CLPTM1L: variants seen among roughly 807,000 people sequenced by gnomAD.
CLPTM1L encodes the protein CLPTM1 like, also known as lipid scramblase CLPTM1L.
A neutral mutation model predicts 70.9 loss-of-function variants in CLPTM1L; 38 were observed. The observed-to-expected ratio is 0.54, with a 90% CI of 0.41 to 0.70. The LOEUF is 0.70. CLPTM1L is among the 30% of genes least tolerant of loss of function. CLPTM1L has a pLI of 0.00. For missense variants in CLPTM1L, 652 were observed against 705.9 expected (o/e 0.92, Z 0.87); for synonymous variants, 339 against 299.9 (o/e 1.13, Z -1.35).
At chr5:1,339,951 C>G (rs1753837642) in intron 3 of CLPTM1L, among the ~76,000 whole-genome samples, 1 of 151,948 alleles carries the variant, frequency 6.6e-6, no homozygotes, top group Admixed American at 6.6e-5. Flanking sequence ...AAAAACCGCG[C>G]CCGGACAGCA....
rs549525482 is a variant in CLPTM1L at position 1,342,232 on chromosome 5, C to A, written c.264-372G>T. Among the ~76,000 whole-genome samples the A allele has an allele frequency of 4.8e-4, 73 of 152,190 alleles. No homozygotes were observed. Among genetic ancestry groups the A allele is most frequent in the Non-Finnish European group, 7.6e-4 (52 of 68,044 alleles). On this transcript the variant is annotated intron_variant, in intron 2 of 16. Coordinates refer to ENST00000320895, the MANE Select transcript of CLPTM1L (RefSeq NM_030782.5). The surrounding 1 kb of genome is among the most constrained non-coding windows in gnomAD (Gnocchi z 4.3). ...GGCCAGGGTACCAGCTGACCACACA[C>A]ACTGAATCACCCAACTCCGAAGCGA...
intron 9 of CLPTM1L, among the ~76,000 whole-genome samples, chr5:1,326,870 G>GACAGACACATTTCATCCAGCTCCTCCTCT (rs1752610161): frequency 4.4e-5 from 3 of 68,260 alleles, no homozygotes; most frequent in Admixed American, 1.6e-4. Context: ...GCTCCTCCTC[G>GACAGACACATTTCATCCAGCTCCTCCTCT]ACAGACACAT....
At chr5:1,334,782 C>T (rs1283839952) in intron 6 of CLPTM1L, among the ~76,000 whole-genome samples, 2 of 151,946 alleles carry the variant, frequency 1.3e-5, no homozygotes, top group African/African-American at 2.4e-5. Context: ...AACAAACAAA[C>T]AATAAAAATA....
chr5:1,344,739 G>A lies in CLPTM1L; in HGVS notation c.103C>T (p.Pro35Ser). 1 of 1,601,202 alleles carries A rather than the reference G, an allele frequency of 6.2e-7. No homozygotes were observed. The highest frequency in any genetic ancestry group is 8.5e-7 in the Non-Finnish European group (1 of 1,175,058). ...WVMYGIVYTRPCSGDANCIQP... is the reference protein window; with the variant it reads ...WVMYGIVYTRSCSGDANCIQP... ...ATGCAGTTGGCGTCGCCGGAGCACG[G>A]GCGGGTGTAGACGATGCCGTACATG... Residue 35 changes from proline to serine, a missense_variant, in exon 1 of 17, where the codon CCG becomes TCG. Transcript: ENST00000320895.
Position 1,318,120 on chromosome 5 carries a change from G to A in CLPTM1L, c.*249C>T, listed in dbSNP as rs35898126. On this transcript the variant is annotated 3_prime_UTR_variant, in exon 17 of 17. Transcript: ENST00000320895. This position sits in a 1 kb window ranked among gnomAD's most constrained non-coding sequence, Gnocchi z 8.9. ...CGAACCCCGGACACTCGTGTGCCGG[G>A]AGCCACCACAGCTCAAGGTGACCGG... is the stretch of plus-strand genomic sequence containing the variant. 4.3e-5 allele frequency: 22 copies of A among 517,530 alleles called. No individual in the cohort carries two copies. Among genetic ancestry groups the A allele is most frequent in the Non-Finnish European group, 6.8e-5 (20 of 294,526 alleles). The allele number at this position is 517,530 out of a possible 1,614,324, so 32.1% of individuals were successfully genotyped here.
chr5:1,318,423 G>C lies in CLPTM1L; in HGVS notation c.1563C>G (p.Asn521Lys). 1 of 1,613,776 alleles carries C rather than the reference G, an allele frequency of 6.2e-7. No individual in the cohort carries two copies. Among genetic ancestry groups the C allele is most frequent in the Non-Finnish European group, 8.5e-7 (1 of 1,179,962 alleles). ...WLYPVDKRRVNEFGESYEEKA... is the reference protein window; with the variant it reads ...WLYPVDKRRVKEFGESYEEKA... The stretch of plus-strand genomic sequence containing the variant: ...TCTCCTCGTAGGACTCCCCAAACTC[G>C]TTCACTCTGCGTTTATCCACAGGAT... The change falls in exon 17 of 17, where the codon AAC (asparagine) becomes AAG (lysine). Residue 521 changes from asparagine to lysine, a missense_variant. This residue lies in a region of CLPTM1L where 240 missense variants were observed against 295.0 expected (regional missense o/e 0.81). Transcript: ENST00000320895. This position sits in a 1 kb window ranked among gnomAD's most constrained non-coding sequence, Gnocchi z 8.9.
Position 1,327,010 on chromosome 5 carries a change from T to G in CLPTM1L, c.1081-1194A>C, listed in dbSNP as rs555151328. On this transcript the variant is annotated intron_variant, in intron 9 of 16. Coordinates refer to ENST00000320895, the MANE Select transcript of CLPTM1L (RefSeq NM_030782.5). ...CCACAGGGACATTTCATCCAGCTCC[T>G]CCTCTACAGGGACATTCCACCCAGC... 2.2e-4 allele frequency among the ~76,000 whole-genome samples: 33 copies of G among 150,378 alleles called. 1 individual carries two copies. Among genetic ancestry groups the G allele is most frequent in the African/African-American group, 8.2e-4 (33 of 40,278 alleles).
chr5:1,327,035 C>A (rs1048584405), intron 9 of CLPTM1L, among the ~76,000 whole-genome samples: 2 of 150,470 alleles, frequency 1.3e-5, no homozygotes, highest in Admixed American at 6.6e-5. Flanking sequence ...TTCCACCCAG[C>A]TCCTCCTCTA....
intron 11 of CLPTM1L, among the ~76,000 whole-genome samples, chr5:1,324,562 T>C (rs923336892): frequency 6.6e-6 from 1 of 152,110 alleles, no homozygotes. Flanking sequence ...CTGTAAGGAC[T>C]GGGAAATGAG....
At chr5:1,325,627 G>A (rs1752478871) in intron 10 of CLPTM1L, 124 bp downstream of exon 10, 3 of 761,216 alleles carry the variant, frequency 3.9e-6, no homozygotes, top group East Asian at 4.9e-5. Flanking sequence ...CCTCCACCAC[G>A]GAGGCTCCCC....
chr5:1,328,672 CAGACACATTTCATCCAGCTCCTCCTCTAT>C (rs1465401821), intron 9 of CLPTM1L, among the ~76,000 whole-genome samples: 30 of 151,090 alleles, frequency 2.0e-4, no homozygotes, highest in Middle Eastern at 3.2e-3. Context: ...TCCTTGTCTA[CAGACACATTTCATCCAGCTCCTCCTCTAT>C]AGACACATTC....
At chr5:1,324,490 G>T (rs753122693) in intron 11 of CLPTM1L, among the ~76,000 whole-genome samples, 1 of 152,252 alleles carries the variant, frequency 6.6e-6, no homozygotes. Flanking sequence ...CAGCTGCCTG[G>T]CGAATGTGAC....
chr5:1,332,886 C>T (rs191854736), intron 7 of CLPTM1L, among the ~76,000 whole-genome samples: 1 of 152,218 alleles, frequency 6.6e-6, no homozygotes, highest in Admixed American at 6.5e-5. Flanking sequence ...TTTGAACACA[C>T]CCCCTGAGGA....
rs1318816131 is a variant in CLPTM1L, at chr5:1,321,639, T to C, written c.1412A>G (p.Tyr471Cys). The C allele has an allele frequency of 1.1e-5, 18 of 1,612,854 alleles. No homozygotes were observed. The highest frequency in any genetic ancestry group is 1.4e-5 in the Non-Finnish European group (16 of 1,179,168). The change falls in exon 15 of 17, where the codon TAC becomes TGC. Residue 471 changes from tyrosine to cysteine, a missense_variant. By Grantham distance (194) the Tyr-to-Cys change is radical. Around this residue, in one of 3 missense-constraint regions of CLPTM1L, gnomAD observed 240 missense variants for 295.0 expected, o/e 0.81. Coordinates refer to ENST00000320895, the MANE Select transcript of CLPTM1L (RefSeq NM_030782.5). ...VAHLPWKAFTYKAFNTFIDDV... is the reference protein window; with the variant it reads ...VAHLPWKAFTCKAFNTFIDDV... ...CTCACCGGCTGTCACACTCACCTTGTAGGTGAAGGCCTTCCAGGGCAGATG... is the reference window on the plus strand; with the variant it reads ...CTCACCGGCTGTCACACTCACCTTGCAGGTGAAGGCCTTCCAGGGCAGATG...
chr5:1,328,848 G>A lies in CLPTM1L; in HGVS notation c.1080+1432C>T, dbSNP rs867224747. The stretch of plus-strand genomic sequence containing the variant: ...CATTGCATCCAGCTCCTCCTCTACA[G>A]ACACATTTCATCCAGCTCCTCCTCT... On this transcript the variant is annotated intron_variant, in intron 9 of 16. Transcript: ENST00000320895. Among the ~76,000 whole-genome samples the A allele has an allele frequency of 4.0e-4, 61 of 151,490 alleles. 1 individual carries two copies. The highest frequency in any genetic ancestry group is 1.4e-3 in the African/African-American group (56 of 41,092).
At chr5:1,327,259 CCATCCAGCTCCTCCTCTACAGGGACATTT>C (rs1752659227) in intron 9 of CLPTM1L, among the ~76,000 whole-genome samples, 9 of 138,542 alleles carry the variant, frequency 6.5e-5, no homozygotes, top group South Asian at 2.5e-4. Flanking sequence ...CAGACACATT[CCATCCAGCTCCTCCTCTACAGGGACATTT>C]CATCCAGCTC....
chr5:1,320,625 T>C lies in CLPTM1L; in HGVS notation c.1523A>G (p.Tyr508Cys). The C allele has an allele frequency of 6.5e-7, 1 of 1,537,284 alleles. No homozygotes were observed. The highest frequency in any genetic ancestry group is 8.8e-7 in the Non-Finnish European group (1 of 1,138,450). Residue 508 changes from tyrosine to cysteine, a missense_variant, in exon 16 of 17, where the codon TAC becomes TGC. Coordinates refer to ENST00000320895, the MANE Select transcript of CLPTM1L (RefSeq NM_030782.5). ...RDDVVFLVYL[Y>C]QRWLYPVDKR... ...ACGCAGCCGCACTCACCACCGCTGG[T>C]ACAGGTAGACCAGAAACACCACGTC...
intron 9 of CLPTM1L, chr5:1,326,264 T>C (rs991861023): frequency 7.8e-6 from 2 of 256,078 alleles, no homozygotes; most frequent in East Asian, 2.4e-4. Context: ...CTCGTACCTA[T>C]GGAGGGACCC....
intron 5 of CLPTM1L, among the ~76,000 whole-genome samples, chr5:1,336,895 T>C (rs938617662): frequency 1.3e-5 from 2 of 152,158 alleles, no homozygotes; most frequent in East Asian, 1.9e-4. Context: ...CAGCAGGGCC[T>C]GGGCAGAGAT....
Sources: gnomAD v4.1 joint callset for allele counts (sites outside exome capture counted in the v4.1 genomes callset) on GRCh38, gnomAD v4.1.1 for gene constraint, gnomAD v4.1.1 regional missense constraint, Gnocchi (gnomAD v3.1) non-coding constraint, MANE v1.5 for transcripts, NCBI Gene and HGNC (gene_info 2026-07-23, HGNC 2026-07-21) for gene names.